GAS2: variants seen among roughly 807,000 people sequenced by gnomAD.
GAS2 encodes growth arrest-specific protein 2.
A neutral mutation model predicts 37.5 loss-of-function variants in GAS2; 20 were observed. The observed-to-expected ratio is 0.53, with a 90% CI of 0.37 to 0.77. The LOEUF (loss-of-function observed/expected upper bound fraction) is 0.77. Among genes scored for constraint, GAS2 ranks in the 30% least tolerant of loss-of-function variants. The pLI is 0.00. For missense variants in GAS2, 336 were observed against 373.4 expected, an observed-to-expected ratio of 0.90 and a Z score of 0.82; for synonymous variants, 144 against 132.2, an observed-to-expected ratio of 1.09 and a Z score of -0.61.
At chr11:22,761,959 A>G (rs1255834175) in intron 7 of GAS2, among the ~76,000 whole-genome samples, 1 of 152,128 alleles carries the variant, frequency 6.6e-6, no homozygotes, top group African/African-American at 2.4e-5. Context: ...TCCTAGAGGG[A>G]AATATATTGT....
chr11:22,626,109 C>A, intron 1 of GAS2: 2 of 469,700 alleles, frequency 4.3e-6, no homozygotes, highest in Non-Finnish European at 7.8e-6. Context: ...CTCCGCGCTT[C>A]CTTTCGCTTT....
At chr11:22,679,063 G>A (rs1284368922) in intron 2 of GAS2, among the ~76,000 whole-genome samples, 6 of 152,052 alleles carry the variant, frequency 3.9e-5, no homozygotes, top group East Asian at 3.9e-4. Context: ...TCTCTAGGGG[G>A]TAGCACACAC....
intron 7 of GAS2, among the ~76,000 whole-genome samples, chr11:22,769,439 T>A (rs1854862941): frequency 6.6e-6 from 1 of 152,224 alleles, no homozygotes; most frequent in South Asian, 2.1e-4. Flanking sequence ...AATTGACATC[T>A]TGGCACCAGT....
intron 7 of GAS2, among the ~76,000 whole-genome samples, chr11:22,767,702 C>T (rs981297956): frequency 6.6e-6 from 1 of 152,140 alleles, no homozygotes; most frequent in Non-Finnish European, 1.5e-5. Flanking sequence ...GTTCAAGTTG[C>T]ATAAATAGGA....
intron 3 of GAS2, among the ~76,000 whole-genome samples, chr11:22,721,788 TAA>T (rs943392544): frequency 3.3e-5 from 5 of 151,920 alleles, no homozygotes; most frequent in African/African-American, 1.2e-4. Context: ...AAATTTAGGG[TAA>T]AGATAGGAAG....
chr11:22,704,912 T>C (rs993868143), intron 3 of GAS2, among the ~76,000 whole-genome samples: 1 of 152,066 alleles, frequency 6.6e-6, no homozygotes, highest in South Asian at 2.1e-4. Flanking sequence ...AGTAGATACA[T>C]GATCCTTTAT....
intron 1 of GAS2, among the ~76,000 whole-genome samples, chr11:22,667,545 C>T (rs11026722): frequency 6.6e-6 from 1 of 152,156 alleles, no homozygotes; most frequent in South Asian, 2.1e-4. Context: ...TGGTATCGTT[C>T]TTTTTGTTCA....
At chr11:22,638,896 T>A (rs1858875248) in intron 1 of GAS2, among the ~76,000 whole-genome samples, 1 of 152,066 alleles carries the variant, frequency 6.6e-6, no homozygotes, top group African/African-American at 2.4e-5. Context: ...TTTTGGGAAA[T>A]TTTTTGATCT....
chr11:22,732,446 T>C (rs1390240162), intron 4 of GAS2, among the ~76,000 whole-genome samples: 1 of 151,788 alleles, frequency 6.6e-6, no homozygotes, highest in Non-Finnish European at 1.5e-5. Flanking sequence ...TTCTTACTGG[T>C]GATTCTGAGA....
At chr11:22,689,758 A>G (rs1426377717) in intron 3 of GAS2, among the ~76,000 whole-genome samples, 1 of 152,208 alleles carries the variant, frequency 6.6e-6, no homozygotes. Context: ...ATGGGAAAAA[A>G]TGAGGCTTTC....
At chr11:22,648,944 C>G (rs1438761931) in intron 1 of GAS2, among the ~76,000 whole-genome samples, 1 of 151,878 alleles carries the variant, frequency 6.6e-6, no homozygotes. Flanking sequence ...CCAGAACTTC[C>G]AACACTATGT....
At chr11:22,685,604 A>G in intron 2 of GAS2, 64 bp from the exon 3 acceptor site, 1 of 1,536,764 alleles carries the variant, frequency 6.5e-7, no homozygotes, top group South Asian at 1.2e-5. Context: ...TGTGTCAAAT[A>G]TTTTATTTAG....
intron 4 of GAS2, among the ~76,000 whole-genome samples, chr11:22,728,537 T>TTA (rs1441856273): frequency 4.6e-5 from 7 of 151,070 alleles, no homozygotes; most frequent in Non-Finnish European, 7.4e-5. Context: ...GTTATATATA[T>TTA]TATATATATA....
chr11:22,730,307 G>A (rs1852410633), intron 4 of GAS2, among the ~76,000 whole-genome samples: 1 of 151,646 alleles, frequency 6.6e-6, no homozygotes, highest in African/African-American at 2.4e-5. Context: ...ATGAACAATT[G>A]ATTTATATTA....
intron 7 of GAS2, among the ~76,000 whole-genome samples, chr11:22,797,502 A>G (rs893451187): frequency 2.6e-5 from 4 of 152,028 alleles, no homozygotes; most frequent in African/African-American, 4.8e-5. Context: ...CACCCTTCAA[A>G]TAAAGATTTG....
intron 4 of GAS2, among the ~76,000 whole-genome samples, chr11:22,735,715 G>T (rs1287175445): frequency 6.6e-6 from 1 of 151,874 alleles, no homozygotes; most frequent in Non-Finnish European, 1.5e-5. Flanking sequence ...AATATGTACA[G>T]TAAGTTGGTT....
intron 7 of GAS2, among the ~76,000 whole-genome samples, chr11:22,761,108 G>A (rs1854370147): frequency 6.6e-6 from 1 of 152,052 alleles, no homozygotes; most frequent in Non-Finnish European, 1.5e-5. Flanking sequence ...TTTAGGATTA[G>A]CACCTGGAAA....
Position 22,651,222 on chromosome 11 carries a change from T to C in GAS2, c.-20-23628T>C, listed in dbSNP as rs573782886. ...TGAAATTCTGGGTTGAAAATTCTTT[T>C]CTTTAAGAATGTTGAATATTGGCCC... On this transcript the variant is annotated intron_variant, in intron 1 of 5. Transcript: ENST00000528582. Among the ~76,000 whole-genome samples, 253 of 152,310 alleles carry C rather than the reference T, an allele frequency of 1.7e-3. 2 individuals carry two copies. The Middle Eastern group carries it at 0.024, about 14-fold the overall frequency.
intron 1 of GAS2, among the ~76,000 whole-genome samples, chr11:22,650,535 A>T (rs1230910813): frequency 2.0e-5 from 3 of 148,922 alleles, no homozygotes; most frequent in Non-Finnish European, 4.5e-5. Context: ...GTCTCCCATT[A>T]TTAATGTGTG....
Sources: gnomAD v4.1 joint callset for allele counts (sites outside exome capture counted in the v4.1 genomes callset) on GRCh38, gnomAD v4.1.1 for gene constraint, MANE v1.5 for transcripts, NCBI Gene and HGNC (gene_info 2026-07-23, HGNC 2026-07-21) for gene names.